SLC15A5: variants seen among roughly 807,000 people sequenced by gnomAD.
SLC15A5 encodes solute carrier family 15 member 5.
A neutral mutation model predicts 56.1 loss-of-function variants in SLC15A5; 58 were observed. The observed-to-expected ratio is 1.03, with a 90% CI of 0.84 to 1.29. SLC15A5 has a LOEUF of 1.29. Ranked by LOEUF, SLC15A5 falls within the 50% of genes most tolerant of loss-of-function variation. SLC15A5 has a pLI of 0.00. For missense variants in SLC15A5, 681 were observed against 672.1 expected, an observed-to-expected ratio of 1.01 and a Z score of -0.15; for synonymous variants, 264 against 250.5, an observed-to-expected ratio of 1.05 and a Z score of -0.51.
At chr12:16,193,818 A>AGGGGCTG (rs1863864665) in intron 8 of SLC15A5, among the ~76,000 whole-genome samples, 1 of 135,122 alleles carries the variant, frequency 7.4e-6, no homozygotes, top group African/African-American at 2.9e-5. Flanking sequence ...AGAGAGAGAG[A>AGGGGCTG]GAGAGAGAGA....
At chr12:16,208,075 C>T (rs117537445) in intron 7 of SLC15A5, among the ~76,000 whole-genome samples, 1,832 of 149,112 alleles carry the variant, frequency 0.012, 14 homozygotes, top group Non-Finnish European at 0.018. Context: ...ACAGATGGCT[C>T]ACTGCATACC....
intron 7 of SLC15A5, among the ~76,000 whole-genome samples, chr12:16,209,235 A>G (rs998279899): frequency 1.3e-4 from 20 of 152,068 alleles, no homozygotes; most frequent in African/African-American, 4.8e-4. Context: ...ATCTTCAGTG[A>G]ATATACATAT....
intron 7 of SLC15A5, among the ~76,000 whole-genome samples, chr12:16,213,212 T>C (rs1864099770): frequency 1.3e-5 from 2 of 152,134 alleles, no homozygotes; most frequent in African/African-American, 2.4e-5. Flanking sequence ...ATGAAAAGAC[T>C]GGGATAGTTT....
chr12:16,243,546 T>G lies in SLC15A5; in HGVS notation c.975+1034A>C, dbSNP rs1864432695. On this transcript the variant is annotated intron_variant, in intron 4 of 8. Transcript: ENST00000344941. The surrounding 1 kb of genome is among the most constrained non-coding windows in gnomAD (Gnocchi z 4.4). ...ATTTTCATGTGCTAGAAAATACTAT[T>G]CTTTTTTTAATTTTTTTCAAACATA... 1.3e-5 allele frequency among the ~76,000 whole-genome samples: 2 copies of G among 152,192 alleles called. No individual in the cohort carries two copies. Among genetic ancestry groups the G allele is most frequent in the South Asian group, 2.1e-4 (1 of 4,834 alleles).
At chr12:16,239,933 A>G in intron 4 of SLC15A5, 66 bp from the exon 5 acceptor site, 1 of 1,388,444 alleles carries the variant, frequency 7.2e-7, no homozygotes, top group South Asian at 1.4e-5. Flanking sequence ...AGCATCGTCC[A>G]CCAGAGGCCT....
chr12:16,205,598 C>CACACATAT (rs1565657639), intron 7 of SLC15A5, among the ~76,000 whole-genome samples: 686 of 57,486 alleles, frequency 0.012, 10 homozygotes, highest in Admixed American at 0.027. Flanking sequence ...TATACATATA[C>CACACATAT]ACACACACAC....
chr12:16,191,576 C>T (rs1474833085), intron 8 of SLC15A5, among the ~76,000 whole-genome samples: 1 of 152,048 alleles, frequency 6.6e-6, no homozygotes, highest in African/African-American at 2.4e-5. Flanking sequence ...ATAATGCTGT[C>T]CCTGGGACAT....
In SLC15A5 at chr12:16,243,131, C is replaced by A. The variant is rs868674724; in HGVS notation, c.975+1449G>T. Among the ~76,000 whole-genome samples, 1 of 152,158 alleles carries A rather than the reference C, an allele frequency of 6.6e-6. No homozygotes were observed. The highest frequency in any genetic ancestry group is 2.4e-5 in the African/African-American group (1 of 41,510). ...ATAAGCAGACATAGATACGACAAAA[C>A]AAAGAGCATGGCTATGTTCTGATAA... On this transcript the variant is annotated intron_variant, in intron 4 of 8. Coordinates refer to ENST00000344941, the MANE Select transcript of SLC15A5 (RefSeq NM_001170798.1). The surrounding 1 kb of genome is among the most constrained non-coding windows in gnomAD (Gnocchi z 4.4).
chr12:16,191,017 A>G (rs1592104162), intron 8 of SLC15A5, among the ~76,000 whole-genome samples: 1 of 152,142 alleles, frequency 6.6e-6, no homozygotes, highest in Non-Finnish European at 1.5e-5. Flanking sequence ...GATAGAATAC[A>G]TATTTATATA....
At chr12:16,204,923 A>T (rs904250758) in intron 7 of SLC15A5, among the ~76,000 whole-genome samples, 54 of 152,198 alleles carry the variant, frequency 3.5e-4, no homozygotes, top group African/African-American at 1.2e-3. Context: ...GAAATTAATC[A>T]TAATGAAAAA....
intron 3 of SLC15A5, among the ~76,000 whole-genome samples, chr12:16,257,217 A>G (rs2136806962): frequency 6.6e-6 from 1 of 152,236 alleles, no homozygotes. Flanking sequence ...CCTACATAAT[A>G]TATTACATAT....
At chr12:16,230,651 C>T (rs55775412) in intron 5 of SLC15A5, among the ~76,000 whole-genome samples, 2,315 of 151,848 alleles carry the variant, frequency 0.015, 64 homozygotes, top group African/African-American at 0.052. Flanking sequence ...CGGTGGCTCA[C>T]GCCTGTAATC....
At chr12:16,256,015 C>T (rs1455160347) in intron 3 of SLC15A5, among the ~76,000 whole-genome samples, 4 of 152,078 alleles carry the variant, frequency 2.6e-5, no homozygotes, top group African/African-American at 9.7e-5. Flanking sequence ...AGTATGGAAA[C>T]AAATTTGAGA....
chr12:16,239,709 T>A lies in SLC15A5; in HGVS notation c.1134A>T (p.Arg378Ser). The change falls in exon 5 of 9, where the codon AGA (arginine) becomes AGT (serine). Residue 378 changes from arginine to serine, a missense_variant. By Grantham distance (110) the Arg-to-Ser change is moderately radical (BLOSUM62 -1). Transcript: ENST00000344941. ...TGCATGTTGACAGAAATGATCCAAC[T>A]CTCTTAGAGGGAAACAGGCAGGTGC... ...YFSTCLFPSK[R>S]VGSFLSTCII... 3 of 1,537,090 alleles carry A rather than the reference T, an allele frequency of 2.0e-6. 1 individual carries two copies. Among genetic ancestry groups the A allele is most frequent in the Non-Finnish European group, 2.6e-6 (3 of 1,146,830 alleles).
Position 16,196,095 on chromosome 12 carries a change from T to A in SLC15A5, c.1484-1642A>T, listed in dbSNP as rs1863892350. ...TGTGTGTGTCTTATTTATCCTTATA[T>A]TTTCAGTATTTAGATCAGTGCCTGA... On this transcript the variant is annotated intron_variant, in intron 7 of 8. Coordinates refer to ENST00000344941, the MANE Select transcript of SLC15A5 (RefSeq NM_001170798.1). This position sits in a 1 kb window ranked among gnomAD's most constrained non-coding sequence, Gnocchi z 4.0. Among the ~76,000 whole-genome samples the A allele has an allele frequency of 6.6e-6, 1 of 152,126 alleles. No individual in the cohort carries two copies. Among genetic ancestry groups the A allele is most frequent in the African/African-American group, 2.4e-5 (1 of 41,454 alleles).
intron 7 of SLC15A5, among the ~76,000 whole-genome samples, chr12:16,197,286 A>G (rs1166444606): frequency 1.3e-5 from 2 of 152,268 alleles, no homozygotes; most frequent in African/African-American, 2.4e-5. Flanking sequence ...TACATGGTAA[A>G]GAGAAGCATC....
chr12:16,209,070 G>T (rs1383020323), intron 7 of SLC15A5, among the ~76,000 whole-genome samples: 2 of 138,750 alleles, frequency 1.4e-5, no homozygotes, highest in Non-Finnish European at 3.1e-5. Flanking sequence ...ATCCAATCTA[G>T]TTTTCATTTC....
intron 2 of SLC15A5, among the ~76,000 whole-genome samples, chr12:16,258,625 T>C (rs1864602894): frequency 6.6e-6 from 1 of 152,188 alleles, no homozygotes; most frequent in African/African-American, 2.4e-5. Flanking sequence ...TACATATTAG[T>C]TTTTTTAAGT....
At chr12:16,242,644 A>C (rs1405427833) in intron 4 of SLC15A5, among the ~76,000 whole-genome samples, 1 of 152,246 alleles carries the variant, frequency 6.6e-6, no homozygotes, top group African/African-American at 2.4e-5. Context: ...TTGCACATCT[A>C]GATTTGGTGA....
Sources: gnomAD v4.1 joint callset for allele counts (sites outside exome capture counted in the v4.1 genomes callset) on GRCh38, gnomAD v4.1.1 for gene constraint, Gnocchi (gnomAD v3.1) non-coding constraint, MANE v1.5 for transcripts, NCBI Gene and HGNC (gene_info 2026-07-23, HGNC 2026-07-21) for gene names.